The following C1QTNF3 variants were observed in gnomAD, a reference collection of about 807,000 sequenced individuals.
C1QTNF3 encodes complement C1q tumor necrosis factor-related protein 3.
In C1QTNF3, 26 loss-of-function variants were observed where a neutral mutation model predicts 32.6. The observed-to-expected ratio is 0.80, with a 90% confidence interval of 0.58 to 1.11. The LOEUF (loss-of-function observed/expected upper bound fraction) is 1.11. C1QTNF3 is among the 50% of genes least tolerant of loss of function. The pLI is 0.00. For missense variants in C1QTNF3, 362 were observed against 398.2 expected, an observed-to-expected ratio of 0.91 and a Z score of 0.77; for synonymous variants, 155 against 146.0, an observed-to-expected ratio of 1.06 and a Z score of -0.44.
At chr5:34,080,830 G>C in the C1QTNF3 span, among the ~76,000 whole-genome samples, 1 of 151,790 alleles carries the variant, frequency 6.6e-6, no homozygotes, top group African/African-American at 2.4e-5. Flanking sequence ...AAAATGTTCT[G>C]CTTCACTGTG....
At chr5:34,231,380 T>C in the C1QTNF3 span, among the ~76,000 whole-genome samples, 1 of 152,172 alleles carries the variant, frequency 6.6e-6, no homozygotes, top group Non-Finnish European at 1.5e-5. Flanking sequence ...TATGGGTACA[T>C]AAGACTGAAC....
At chr5:34,216,099 C>T in the C1QTNF3 span, among the ~76,000 whole-genome samples, 3 of 152,228 alleles carry the variant, frequency 2.0e-5, no homozygotes, top group African/African-American at 7.2e-5. Flanking sequence ...ATTATCCATA[C>T]AGGTATGATA....
the C1QTNF3 span, among the ~76,000 whole-genome samples, chr5:34,180,709 CT>C: frequency 1.8e-3 from 259 of 144,834 alleles, no homozygotes; most frequent in Non-Finnish European, 2.4e-3. Flanking sequence ...AGGGACCAGT[CT>C]GTGCTCAGAG....
the C1QTNF3 span, among the ~76,000 whole-genome samples, chr5:34,121,089 T>C: frequency 6.6e-6 from 1 of 152,352 alleles, no homozygotes; most frequent in African/African-American, 2.4e-5. Context: ...TTCTGATAAA[T>C]GTCACTGCTT....
chr5:34,170,385 T>C, the C1QTNF3 span, among the ~76,000 whole-genome samples: 3 of 152,134 alleles, frequency 2.0e-5, no homozygotes, highest in Non-Finnish European at 4.4e-5. Context: ...TTATACTATA[T>C]TGTGCATGTC....
In C1QTNF3 at chr5:34,018,951, A is replaced by G. The variant is rs1409255871; in HGVS notation, c.*1632T>C. Among the ~76,000 whole-genome samples, 1 of 152,070 alleles carries G rather than the reference A, an allele frequency of 6.6e-6. No individual in the cohort carries two copies. Among genetic ancestry groups the G allele is most frequent in the Non-Finnish European group, 1.5e-5 (1 of 68,018 alleles). On this transcript the variant is annotated 3_prime_UTR_variant, in exon 6 of 6. Coordinates refer to ENST00000382065, the MANE Select transcript of C1QTNF3 (RefSeq NM_181435.6). ...AGACCGGCCTGGTCAACATGGTGAA[A>G]CCCCATCTCTATTAGAAACATTAAA...
At chr5:34,217,930 G>T in the C1QTNF3 span, among the ~76,000 whole-genome samples, 1 of 151,906 alleles carries the variant, frequency 6.6e-6, no homozygotes, top group Admixed American at 6.6e-5. Flanking sequence ...ATGTATAAAA[G>T]AAATAATAAT....
chr5:34,067,404 C>T, the C1QTNF3 span, among the ~76,000 whole-genome samples: 3 of 152,118 alleles, frequency 2.0e-5, no homozygotes, highest in African/African-American at 7.2e-5. Context: ...TGGGCAATTT[C>T]CAAAAGAAAG....
the C1QTNF3 span, chr5:34,124,463 T>G: frequency 2.8e-6 from 2 of 716,356 alleles, no homozygotes; most frequent in Non-Finnish European, 5.2e-6. Context: ...TGGCAGAAAG[T>G]GAGGCAGGAC....
chr5:34,160,495 C>G, the C1QTNF3 span, among the ~76,000 whole-genome samples: 1 of 152,126 alleles, frequency 6.6e-6, no homozygotes, highest in African/African-American at 2.4e-5. Context: ...AATTGGACTA[C>G]GAGGGAGCTG....
chr5:34,110,809 G>C, the C1QTNF3 span, among the ~76,000 whole-genome samples: 1 of 151,986 alleles, frequency 6.6e-6, no homozygotes, highest in Non-Finnish European at 1.5e-5. Flanking sequence ...GAATATTAAA[G>C]AGATTTCTTT....
the C1QTNF3 span, among the ~76,000 whole-genome samples, chr5:34,236,462 C>T: frequency 6.7e-6 from 1 of 149,164 alleles, no homozygotes; most frequent in Non-Finnish European, 1.5e-5. Flanking sequence ...AAATAATGTT[C>T]TATAAATGAG....
the C1QTNF3 span, among the ~76,000 whole-genome samples, chr5:34,129,029 G>A: frequency 8.5e-5 from 13 of 152,200 alleles, no homozygotes; most frequent in Admixed American, 5.9e-4. Context: ...GGCCTGGTGG[G>A]AGGTAATTGA....
the C1QTNF3 span, among the ~76,000 whole-genome samples, chr5:34,185,621 T>C: frequency 1.3e-5 from 2 of 152,396 alleles, no homozygotes; most frequent in African/African-American, 4.8e-5. Flanking sequence ...AAGCATGGCA[T>C]TAAATAGACC....
the C1QTNF3 span, among the ~76,000 whole-genome samples, chr5:34,115,667 C>A: frequency 6.6e-6 from 1 of 150,650 alleles, no homozygotes; most frequent in African/African-American, 2.4e-5. Context: ...GGAGGCGAAG[C>A]TTGCAGTGAG....
At chr5:34,225,298 G>A in the C1QTNF3 span, among the ~76,000 whole-genome samples, 1 of 151,802 alleles carries the variant, frequency 6.6e-6, no homozygotes, top group African/African-American at 2.4e-5. Context: ...AAACAATCAG[G>A]GAAGTAATTA....
chr5:34,119,503 T>C, the C1QTNF3 span, among the ~76,000 whole-genome samples: 1 of 152,280 alleles, frequency 6.6e-6, no homozygotes, highest in East Asian at 1.9e-4. Flanking sequence ...TGTTTTCTAT[T>C]GCAGCTATAA....
chr5:34,217,621 C>T, the C1QTNF3 span, among the ~76,000 whole-genome samples: 7 of 152,246 alleles, frequency 4.6e-5, no homozygotes, highest in Middle Eastern at 3.4e-3. Flanking sequence ...TATGTTAATA[C>T]AGCTATATCC....
At chr5:34,035,566 C>T (rs1488372961) in intron 2 of C1QTNF3, 81 bp downstream of exon 2, 1 of 1,046,826 alleles carries the variant, frequency 9.6e-7, no homozygotes, top group African/African-American at 1.6e-5. Context: ...AGAAGTGATC[C>T]CAAATTATTA....
Sources: gnomAD v4.1 joint callset for allele counts (sites outside exome capture counted in the v4.1 genomes callset) on GRCh38, gnomAD v4.1.1 for gene constraint, MANE v1.5 for transcripts, NCBI Gene and HGNC (gene_info 2026-07-23, HGNC 2026-07-21) for gene names.